Variants in TMCO4 observed in about 807,000 individuals in gnomAD.
TMCO4 encodes transmembrane and coiled-coil domain-containing protein 4.
A neutral mutation model predicts 64.7 loss-of-function variants in TMCO4; 58 were observed. That is an observed-to-expected ratio of 0.90 (90% CI 0.73 to 1.12). The LOEUF (loss-of-function observed/expected upper bound fraction) is 1.12, where lower values mean the gene tolerates loss of function less well. Ranked by LOEUF, TMCO4 falls within the 50% of genes most tolerant of loss-of-function variation. The probability of loss-of-function intolerance (pLI) is 0.00; values close to 1 mark genes in which losing one functional copy is unlikely to be tolerated. For synonymous variants in TMCO4, 325 were observed against 346.1 expected (o/e 0.94, Z 0.68); for missense variants, 780 against 825.9 (o/e 0.94, Z 0.68).
chr1:19,694,806 G>C (rs2095224829), intron 14 of TMCO4, among the ~76,000 whole-genome samples: 1 of 152,232 alleles, frequency 6.6e-6, no homozygotes, highest in Non-Finnish European at 1.5e-5. Context: ...GGCCTGCTTT[G>C]TTCCCAGCTG....
In TMCO4 at chr1:19,798,220, T is replaced by C. The variant is rs867527147; in HGVS notation, c.-179-5A>G. The C allele has an allele frequency of 6.6e-6, 1 of 152,664 alleles. No homozygotes were observed. Among genetic ancestry groups the C allele is most frequent in the South Asian group, 2.1e-4 (1 of 4,820 alleles). 9.5% of individuals were successfully genotyped at this position (152,664 alleles called of 1,614,324 possible). On this transcript the variant is annotated splice_region_variant and splice_polypyrimidine_tract_variant and intron_variant, in intron 1 of 15. Transcript: ENST00000294543. The stretch of plus-strand genomic sequence containing the variant: ...CCCGGTTTATAATGTACAACACTGT[T>C]TACAAAACACACAGGCCAAAAGAGA...
chr1:19,705,962 G>A (rs952969417), intron 13 of TMCO4, among the ~76,000 whole-genome samples: 10 of 151,980 alleles, frequency 6.6e-5, no homozygotes, highest in South Asian at 4.2e-4. Context: ...GTGCTGTGGC[G>A]CAATTGTGGC....
intron 2 of TMCO4, among the ~76,000 whole-genome samples, chr1:19,797,446 A>G (rs966078986): frequency 6.6e-6 from 1 of 151,998 alleles, no homozygotes; most frequent in African/African-American, 2.4e-5. Context: ...CCAAGGAGGG[A>G]GGGGTGGCAT....
Position 19,732,889 on chromosome 1 carries a change from T to C in TMCO4, c.1264+4483A>G, listed in dbSNP as rs1487956032. ...TGGAAGGCTTCGGATCCTAGTTTCT[T>C]CTTCTTTTAAAATGTAGAGGTTTTC... On this transcript the variant is annotated intron_variant, in intron 13 of 15. Coordinates refer to ENST00000294543, the MANE Select transcript of TMCO4 (RefSeq NM_181719.7). The surrounding 1 kb of genome is among the most constrained non-coding windows in gnomAD (Gnocchi z 4.8). Among the ~76,000 whole-genome samples, 2 of 152,168 alleles carry C rather than the reference T, an allele frequency of 1.3e-5. No individual in the cohort carries two copies. The highest frequency in any genetic ancestry group is 4.8e-5 in the African/African-American group (2 of 41,452).
In TMCO4 at chr1:19,700,807, C is replaced by G. The variant is rs761149984; in HGVS notation, c.1343G>C (p.Arg448Pro). Residue 448 changes from arginine to proline, a missense_variant, in exon 14 of 16, where the codon CGG (arginine) becomes CCG (proline). Arg to Pro is a moderately radical substitution (Grantham distance 103, BLOSUM62 -2). Coordinates refer to ENST00000294543, the MANE Select transcript of TMCO4 (RefSeq NM_181719.7). ...EGEAKHWEPF[R>P]KVVSGRIING... ...GATGATCCTCCCGGACACCACCTTC[C>G]GGAAAGGCTCCCAATGCTTGGCTTC... is the stretch of plus-strand genomic sequence containing the variant. 1 of 1,614,218 alleles carries G rather than the reference C, an allele frequency of 6.2e-7. No individual in the cohort carries two copies. Among genetic ancestry groups the G allele is most frequent in the African/African-American group, 1.3e-5 (1 of 75,048 alleles).
At chr1:19,706,093 G>T (rs2095301925) in intron 13 of TMCO4, among the ~76,000 whole-genome samples, 1 of 152,018 alleles carries the variant, frequency 6.6e-6, no homozygotes, top group South Asian at 2.1e-4. Context: ...TAGTAGAGAT[G>T]AGGTCTTGCT....
chr1:19,734,618 G>A lies in TMCO4; in HGVS notation c.1264+2754C>T, dbSNP rs960280298. On this transcript the variant is annotated intron_variant, in intron 13 of 15. Coordinates refer to ENST00000294543, the MANE Select transcript of TMCO4 (RefSeq NM_181719.7). This position sits in a 1 kb window ranked among gnomAD's most constrained non-coding sequence, Gnocchi z 4.4. ...CCAACCCACCTGGGGGGCCTCTTACGTGGGCTGCAGAGACACCAGATGCCA... is the reference window on the plus strand; with the variant it reads ...CCAACCCACCTGGGGGGCCTCTTACATGGGCTGCAGAGACACCAGATGCCA... 1.3e-5 allele frequency among the ~76,000 whole-genome samples: 2 copies of A among 151,942 alleles called. No individual in the cohort carries two copies. The highest frequency in any genetic ancestry group is 2.4e-5 in the African/African-American group (1 of 41,354).
At chr1:19,748,699 C>T (rs1194585767) in intron 7 of TMCO4, among the ~76,000 whole-genome samples, 1 of 152,136 alleles carries the variant, frequency 6.6e-6, no homozygotes, top group Non-Finnish European at 1.5e-5. Context: ...GGGGCAGGCG[C>T]CTGTAATTCC....
At chr1:19,741,848 T>C (rs946719909) in intron 10 of TMCO4, among the ~76,000 whole-genome samples, 1 of 151,654 alleles carries the variant, frequency 6.6e-6, no homozygotes, top group African/African-American at 2.4e-5. Flanking sequence ...GTGATTCTCC[T>C]GCCTCAGCCT....
chr1:19,797,076 AG>A lies in TMCO4; in HGVS notation c.-101+1060del, dbSNP rs201096260. Among the ~76,000 whole-genome samples, 126 of 152,294 alleles carry A rather than the reference AG, an allele frequency of 8.3e-4. No individual in the cohort carries two copies. The East Asian group carries it at 0.015, about 18-fold the overall frequency. On this transcript the variant is annotated intron_variant, in intron 2 of 15. Coordinates refer to ENST00000294543, the MANE Select transcript of TMCO4 (RefSeq NM_181719.7). ...CAACCCACAACTGAAAAATGACTTC[AG>A]CAGATTTTTTTGAAGGACAATATCA... is the stretch of plus-strand genomic sequence containing the variant.
chr1:19,696,455 C>G (rs180817793), intron 14 of TMCO4, among the ~76,000 whole-genome samples: 133 of 152,080 alleles, frequency 8.7e-4, no homozygotes, highest in Middle Eastern at 6.8e-3. Flanking sequence ...GAGGCTGAGG[C>G]AGGAGGATCA....
intron 13 of TMCO4, among the ~76,000 whole-genome samples, chr1:19,705,250 A>G (rs1461629305): frequency 1.1e-4 from 16 of 152,146 alleles, no homozygotes; most frequent in Non-Finnish European, 4.4e-5. Context: ...CAGGAGTTTG[A>G]GACCAGCCTG....
rs531431284 is a variant in TMCO4 at position 19,683,758 on chromosome 1, CTTTTTTTTTTT to C, written c.1501-325_1501-315del. 5.3e-3 allele frequency among the ~76,000 whole-genome samples: 422 copies of C among 79,068 alleles called. 3 individuals carry two copies. Among genetic ancestry groups the C allele is most frequent in the African/African-American group, 0.021 (401 of 19,552 alleles). 51.9% of individuals were successfully genotyped at this position (79,068 alleles called of 152,430 possible). A position where few individuals can be genotyped will look rare whatever the true frequency, so the allele number is the denominator to read the frequency against. ...AGAAGCTCTCGTTCTTTGTCTGAAG[CTTTTTTTTTTT>C]TTTTTTTTTTTTTTTTTTTGAGACA... On this transcript the variant is annotated intron_variant, in intron 15 of 15. Coordinates refer to ENST00000294543, the MANE Select transcript of TMCO4 (RefSeq NM_181719.7).
At position 19,700,739 on chromosome 1, in the gene TMCO4, T is replaced by C. The variant is rs372989834; in HGVS notation, c.1382+29A>G. 21 of 1,585,892 alleles carry C rather than the reference T, an allele frequency of 1.3e-5. No homozygotes were observed. In the African/African-American group the frequency reaches 2.2e-4, roughly 16 times the overall value. On this transcript the variant is annotated intron_variant, in intron 14 of 15. Transcript: ENST00000294543. ...CTAAGTGCTCCGTAAGCATTGTCACTTCCCCGCTGGCACGAGGTTTGGACA... is the reference window on the plus strand; with the variant it reads ...CTAAGTGCTCCGTAAGCATTGTCACCTCCCCGCTGGCACGAGGTTTGGACA...
chr1:19,791,731 C>A (rs2044049349), intron 2 of TMCO4, among the ~76,000 whole-genome samples: 1 of 152,228 alleles, frequency 6.6e-6, no homozygotes, highest in African/African-American at 2.4e-5. Context: ...CTAAGACACA[C>A]AGGGCTGGTC....
chr1:19,683,000 T>C lies in TMCO4; in HGVS notation c.*40A>G, dbSNP rs368989998. 83 of 1,528,960 alleles carry C rather than the reference T, an allele frequency of 5.4e-5. No individual in the cohort carries two copies. In the South Asian group the frequency reaches 1.0e-3, roughly 19 times the overall value. 94.7% of individuals were successfully genotyped at this position (1,528,960 alleles called of 1,614,324 possible). ...CCCGAGGGTATAAGAGAGAGCTGCA[T>C]ATGGAGACTGGGGAAGACGGCTCAG... On this transcript the variant is annotated 3_prime_UTR_variant, in exon 16 of 16. Transcript: ENST00000294543.
At chr1:19,775,700 C>T (rs1396642897) in intron 4 of TMCO4, among the ~76,000 whole-genome samples, 1 of 152,238 alleles carries the variant, frequency 6.6e-6, no homozygotes, top group Non-Finnish European at 1.5e-5. Context: ...CTGTCCATCC[C>T]TGCTGTACCC....
chr1:19,733,663 C>T (rs931882195), intron 13 of TMCO4, among the ~76,000 whole-genome samples: 5 of 152,164 alleles, frequency 3.3e-5, no homozygotes, highest in East Asian at 1.9e-4. Context: ...CAATTGCCCA[C>T]GTGCTGCTGA....
chr1:19,719,752 G>T (rs1327612244), intron 13 of TMCO4, among the ~76,000 whole-genome samples: 1 of 152,106 alleles, frequency 6.6e-6, no homozygotes, highest in Non-Finnish European at 1.5e-5. Context: ...CCAGCATTTT[G>T]GGAGGCCGAG....
Sources: allele counts gnomAD v4.1 joint callset (sites outside exome capture counted in the v4.1 genomes callset), GRCh38; gene constraint gnomAD v4.1.1; non-coding constraint Gnocchi (gnomAD v3.1); transcripts MANE v1.5; gene names NCBI Gene and HGNC (gene_info 2026-07-23, HGNC 2026-07-21).